Variants in MTF1 observed in about 807,000 individuals in gnomAD.
The protein encoded by MTF1 is MRE-binding transcription factor.
Under a neutral mutation model 70.4 loss-of-function variants are expected in MTF1, and 22 were observed. The ratio of observed to expected loss-of-function variants is 0.31; its 90% CI spans 0.22 to 0.45. The LOEUF (loss-of-function observed/expected upper bound fraction) is 0.45. MTF1 is among the 20% of genes least tolerant of loss of function. The pLI is 1.00. For missense variants in MTF1, 649 were observed against 922.0 expected (o/e 0.70, Z 3.83); for synonymous variants, 333 against 352.8 (o/e 0.94, Z 0.63).
intron 4 of MTF1, 34 bp from the exon 5 acceptor site, chr1:37,835,778 T>A (rs771566438): frequency 1.3e-6 from 2 of 1,550,032 alleles, no homozygotes; most frequent in Non-Finnish European, 1.8e-6. Flanking sequence ...ACAGGAGTCA[T>A]TAGCTAATAG....
intron 2 of MTF1, among the ~76,000 whole-genome samples, chr1:37,849,512 G>A (rs1003692321): frequency 1.5e-4 from 23 of 152,098 alleles, no homozygotes; most frequent in African/African-American, 5.1e-4. Flanking sequence ...ATACTTTGGT[G>A]CATCATGTAG....
chr1:37,856,569 G>A (rs1479529229), intron 2 of MTF1, among the ~76,000 whole-genome samples: 1 of 149,146 alleles, frequency 6.7e-6, no homozygotes, highest in South Asian at 2.1e-4. Flanking sequence ...GCATGATCTC[G>A]GCTCACTGCA....
At chr1:37,816,253 GAGGTGCAGTGGC>G (rs891750719) in intron 10 of MTF1, among the ~76,000 whole-genome samples, 2 of 152,200 alleles carry the variant, frequency 1.3e-5, no homozygotes, top group African/African-American at 4.8e-5. Flanking sequence ...TGGGCAGGAT[GAGGTGCAGTGGC>G]TCATGCCTGT....
Position 37,822,590 on chromosome 1 carries a change from G to C in MTF1, c.1298C>G (p.Pro433Arg), listed in dbSNP as rs1249087069. The change falls in exon 9 of 11, where the codon CCT (proline) becomes CGT (arginine). Residue 433 changes from proline (P) to arginine (R), a missense_variant. Physicochemically the swap from Pro to Arg is moderately radical, Grantham distance 103 (BLOSUM62 -2). Around this residue, in one of 7 missense-constraint regions of MTF1, gnomAD observed 267 missense variants for 292.1 expected, o/e 0.91. Transcript: ENST00000373036. ...LQPGLSEPPQ[P>R]LLPASAPSAP... Reference sequence around the variant, plus strand: ...AGACGGAGCTGAGGCAGGTAGTAGAGGCTGGGGTGGCTCGGAGAGGCCAGG... The same window carrying C: ...AGACGGAGCTGAGGCAGGTAGTAGACGCTGGGGTGGCTCGGAGAGGCCAGG... 3.1e-6 allele frequency: 5 copies of C among 1,614,014 alleles called. No individual in the cohort carries two copies. Among genetic ancestry groups the C allele is most frequent in the Non-Finnish European group, 4.2e-6 (5 of 1,180,010 alleles).
At position 37,815,654 on chromosome 1, in the gene MTF1, G is replaced by A; in HGVS notation, c.1832-88C>T. The A allele has an allele frequency of 9.6e-7, 1 of 1,042,262 alleles. No homozygotes were observed. Among genetic ancestry groups the A allele is most frequent in the Non-Finnish European group, 1.4e-6 (1 of 721,722 alleles). 64.6% of individuals were successfully genotyped at this position (1,042,262 alleles called of 1,614,324 possible). ...GGGATACATGGACTAGGTGAGAGCA[G>A]AGTGCCATGGGAACCATGGGAAGGA... On this transcript the variant is annotated intron_variant, in intron 10 of 10. Coordinates refer to ENST00000373036, the MANE Select transcript of MTF1 (RefSeq NM_005955.3). The surrounding 1 kb of genome is among the most constrained non-coding windows in gnomAD (Gnocchi z 4.5).
chr1:37,848,346 A>C (rs1452983029), intron 2 of MTF1, among the ~76,000 whole-genome samples: 1 of 152,364 alleles, frequency 6.6e-6, no homozygotes, highest in South Asian at 2.1e-4. Flanking sequence ...TTTCTATTTC[A>C]ATTTTATAAA....
At position 37,810,494 on chromosome 1, in the gene MTF1, G is replaced by A. The variant is rs1640703822; in HGVS notation, c.*4642C>T. ...TTGAACAGGAGTAACAGTGAGAAAT[G>A]CCCAGTGGTCGTCGGCTTCCCCAAA... On this transcript the variant is annotated 3_prime_UTR_variant, in exon 11 of 11. Coordinates refer to ENST00000373036, the MANE Select transcript of MTF1 (RefSeq NM_005955.3). 1 of 152,164 alleles carries A rather than the reference G, an allele frequency of 6.6e-6. No individual in the cohort carries two copies. Among genetic ancestry groups the A allele is most frequent in the South Asian group, 2.1e-4 (1 of 4,828 alleles). 9.4% of individuals were successfully genotyped at this position (152,164 alleles called of 1,614,324 possible).
chr1:37,857,199 G>C (rs903761325), intron 2 of MTF1, 52 bp downstream of exon 2: 29 of 1,557,896 alleles, frequency 1.9e-5, no homozygotes, highest in South Asian at 9.6e-5. Context: ...CAAGAATTTT[G>C]TAAGGACTTG....
Position 37,815,254 on chromosome 1 carries a change from A to G in MTF1, c.2144T>C (p.Met715Thr). The change falls in exon 11 of 11, where the codon ATG (methionine) becomes ACG (threonine). Residue 715 changes from methionine (M) to threonine (T), a missense_variant. Met to Thr is a moderately conservative substitution (Grantham distance 81, BLOSUM62 -1). Coordinates refer to ENST00000373036, the MANE Select transcript of MTF1 (RefSeq NM_005955.3). The surrounding 1 kb of genome is among the most constrained non-coding windows in gnomAD (Gnocchi z 4.5). ...SDPQTETLSA[M>T]DVSEFLSLQS... ...GAGGGATAGAAACTCTGACACATCC[A>G]TGGCACTTAATGTTTCTGTCTGAGG... The G allele has an allele frequency of 1.9e-6, 3 of 1,614,032 alleles. No individual in the cohort carries two copies. Among genetic ancestry groups the G allele is most frequent in the Non-Finnish European group, 2.5e-6 (3 of 1,180,028 alleles).
At chr1:37,847,935 G>C (rs976957000) in intron 2 of MTF1, among the ~76,000 whole-genome samples, 6 of 152,170 alleles carry the variant, frequency 3.9e-5, no homozygotes, top group African/African-American at 1.4e-4. Context: ...ACTGCACTCA[G>C]CCTGGGTGAC....
rs1436481550 is a variant in MTF1 at position 37,814,927 on chromosome 1, GTTGTTTTTTTTGTTTT to G, written c.*193_*208del. 9 of 553,372 alleles carry G rather than the reference GTTGTTTTTTTTGTTTT, an allele frequency of 1.6e-5. No homozygotes were observed. The highest frequency in any genetic ancestry group is 1.3e-4 in the African/African-American group (7 of 52,978). The allele number at this position is 553,372 out of a possible 1,614,324, so 34.3% of individuals were successfully genotyped here. A position where few individuals can be genotyped will look rare whatever the true frequency, so the allele number is the denominator to read the frequency against. ...GTTCACTTATAACTTAGCTTTTTTT[GTTGTTTTTTTTGTTTT>G]TTGTTTTTTTCCAAAGAATAGTTCC... On this transcript the variant is annotated 3_prime_UTR_variant, in exon 11 of 11. Transcript: ENST00000373036.
chr1:37,847,714 G>C (rs1641354460), intron 2 of MTF1, among the ~76,000 whole-genome samples: 2 of 152,232 alleles, frequency 1.3e-5, no homozygotes, highest in African/African-American at 4.8e-5. Context: ...GTATGGGCCA[G>C]TGAGGTGGCT....
At position 37,814,667 on chromosome 1, in the gene MTF1, G is replaced by C; in HGVS notation, c.*469C>G. 5.8e-6 allele frequency: 1 copy of C among 173,834 alleles called. No individual in the cohort carries two copies. The highest frequency in any genetic ancestry group is 1.2e-5 in the Non-Finnish European group (1 of 80,406). The allele number at this position is 173,834 out of a possible 1,614,324, so 10.8% of individuals were successfully genotyped here. A position where few individuals can be genotyped will look rare whatever the true frequency, so the allele number is the denominator to read the frequency against. ...GCCACTGCCCTCTCTGATGGAGCAA[G>C]GGTCTGGCCTTCCAAGCAAATGTCA... On this transcript the variant is annotated 3_prime_UTR_variant, in exon 11 of 11. Transcript: ENST00000373036.
chr1:37,819,587 A>T (rs1451973536), intron 9 of MTF1, among the ~76,000 whole-genome samples: 2 of 152,158 alleles, frequency 1.3e-5, no homozygotes, highest in African/African-American at 4.8e-5. Context: ...AGGAAATTTA[A>T]AATTGCCTCT....
At chr1:37,821,780 C>T (rs983718707) in intron 9 of MTF1, among the ~76,000 whole-genome samples, 4 of 152,154 alleles carry the variant, frequency 2.6e-5, no homozygotes, top group Non-Finnish European at 5.9e-5. Flanking sequence ...TCTGACTCTG[C>T]CTTGAAAACA....
chr1:37,821,078 A>G (rs1363613692), intron 9 of MTF1, among the ~76,000 whole-genome samples: 1 of 152,040 alleles, frequency 6.6e-6, no homozygotes, highest in Non-Finnish European at 1.5e-5. Context: ...TAGGAAGCTA[A>G]GGTGGGAAGA....
At chr1:37,829,158 C>T (rs146644135) in intron 7 of MTF1, among the ~76,000 whole-genome samples, 1,828 of 151,012 alleles carry the variant, frequency 0.012, 35 homozygotes, top group African/African-American at 0.042. Context: ...TGCTCTGTTG[C>T]CCAGGCTGGA....
intron 2 of MTF1, among the ~76,000 whole-genome samples, chr1:37,846,412 G>T (rs79271913): frequency 1.4e-3 from 193 of 138,984 alleles, no homozygotes; most frequent in Admixed American, 3.4e-3. Flanking sequence ...AAAAAAAAAA[G>T]CTTTCCTCCA....
chr1:37,854,001 AG>A (rs2148423164), intron 2 of MTF1, among the ~76,000 whole-genome samples: 1 of 152,192 alleles, frequency 6.6e-6, no homozygotes, highest in East Asian at 1.9e-4. Flanking sequence ...TTTCATAGGG[AG>A]ATATTTTTAT....
Sources: allele counts gnomAD v4.1 joint callset (sites outside exome capture counted in the v4.1 genomes callset), GRCh38; gene constraint gnomAD v4.1.1; regional missense constraint gnomAD v4.1.1; non-coding constraint Gnocchi (gnomAD v3.1); transcripts MANE v1.5; gene names NCBI Gene and HGNC (gene_info 2026-07-23, HGNC 2026-07-21).